Variants in TYW1B observed in about 807,000 individuals in gnomAD.
The protein encoded by TYW1B is tRNA-yW synthesizing protein 1 homolog B, also known as S-adenosyl-L-methionine-dependent tRNA 4-demethylwyosine synthase TYW1B.
TYW1B carries 73 observed loss-of-function variants against 86.9 expected under a neutral mutation model. That is an observed-to-expected ratio of 0.84 (90% CI 0.70 to 1.02). TYW1B has a LOEUF of 1.02. TYW1B is among the 50% of genes least tolerant of loss of function. TYW1B has a pLI of 0.00. For synonymous variants in TYW1B, 248 were observed against 292.8 expected, an observed-to-expected ratio of 0.85 and a Z score of 1.56; for missense variants, 637 against 827.4, an observed-to-expected ratio of 0.77 and a Z score of 2.82.
At chr7:72,602,187 G>T (rs1473447921) in intron 13 of TYW1B, among the ~76,000 whole-genome samples, 1 of 152,158 alleles carries the variant, frequency 6.6e-6, no homozygotes, top group Non-Finnish European at 1.5e-5. Context: ...TTTTGGAAAC[G>T]GGTGGAGTCT....
At chr7:72,601,197 G>A (rs539989227) in intron 13 of TYW1B, among the ~76,000 whole-genome samples, 1 of 151,602 alleles carries the variant, frequency 6.6e-6, no homozygotes, top group South Asian at 2.1e-4. Flanking sequence ...ATGGGCACAA[G>A]ATCTGAGCAG....
intron 9 of TYW1B, among the ~76,000 whole-genome samples, chr7:72,727,404 G>T (rs781885851): frequency 6.6e-6 from 1 of 152,100 alleles, no homozygotes; most frequent in Non-Finnish European, 1.5e-5. Flanking sequence ...GATTCAACAG[G>T]GAACCTAACA....
At chr7:72,609,287 G>A (rs1156832234) in intron 13 of TYW1B, among the ~76,000 whole-genome samples, 12 of 152,100 alleles carry the variant, frequency 7.9e-5, no homozygotes, top group Non-Finnish European at 1.2e-4. Context: ...GGCTGGGCAC[G>A]GTGGCTCATG....
intron 8 of TYW1B, among the ~76,000 whole-genome samples, chr7:72,735,455 C>T (rs1446775778): frequency 3.3e-5 from 5 of 151,860 alleles, no homozygotes; most frequent in African/African-American, 1.2e-4. Context: ...GCCTGTAATC[C>T]CACTTATTCA....
At chr7:72,748,817 G>A (rs1193807849) in intron 7 of TYW1B, among the ~76,000 whole-genome samples, 2 of 151,780 alleles carry the variant, frequency 1.3e-5, no homozygotes, top group Non-Finnish European at 2.9e-5. Flanking sequence ...TTCTATACTT[G>A]GCTGAATTCT....
chr7:72,788,170 G>A (rs1413339862), intron 6 of TYW1B, among the ~76,000 whole-genome samples: 1 of 151,960 alleles, frequency 6.6e-6, no homozygotes. Flanking sequence ...TAGTAGAGAT[G>A]GGGTTTCATT....
intron 13 of TYW1B, among the ~76,000 whole-genome samples, chr7:72,607,676 G>GAAAC (rs1462575137): frequency 6.6e-6 from 1 of 151,434 alleles, no homozygotes; most frequent in Non-Finnish European, 1.5e-5. Flanking sequence ...GACTAAAAGA[G>GAAAC]AAACAAACAA....
chr7:72,602,148 T>C (rs573177790), intron 13 of TYW1B, among the ~76,000 whole-genome samples: 12 of 152,078 alleles, frequency 7.9e-5, no homozygotes, highest in Non-Finnish European at 1.6e-4. Flanking sequence ...CTGAAGGGCA[T>C]AGAGGGGGAA....
chr7:72,806,145 G>A (rs1407369836), intron 5 of TYW1B, among the ~76,000 whole-genome samples: 10 of 152,148 alleles, frequency 6.6e-5, no homozygotes, highest in African/African-American at 1.9e-4. Context: ...CTTCTCTGTG[G>A]CTCCGTTTCG....
At chr7:72,824,777 T>C (rs1440005291) in intron 2 of TYW1B, among the ~76,000 whole-genome samples, 1 of 151,772 alleles carries the variant, frequency 6.6e-6, no homozygotes, top group Non-Finnish European at 1.5e-5. Flanking sequence ...AGCTGTGACC[T>C]TGTAACACAG....
intron 6 of TYW1B, among the ~76,000 whole-genome samples, chr7:72,797,399 G>C (rs1182106108): frequency 6.6e-6 from 1 of 152,126 alleles, no homozygotes. Context: ...TGATGTGCCT[G>C]GATTCCAAGA....
At chr7:72,581,622 C>G (rs1247230103) in intron 13 of TYW1B, among the ~76,000 whole-genome samples, 3 of 151,974 alleles carry the variant, frequency 2.0e-5, no homozygotes, top group African/African-American at 7.3e-5. Context: ...CCATACCCAG[C>G]TAATTTTTGT....
chr7:72,707,782 C>T (rs1814647465), intron 10 of TYW1B, among the ~76,000 whole-genome samples: 1 of 152,282 alleles, frequency 6.6e-6, no homozygotes, highest in South Asian at 2.1e-4. Flanking sequence ...TGGCTCTGTC[C>T]CCACCCAAAT....
intron 7 of TYW1B, among the ~76,000 whole-genome samples, chr7:72,757,856 C>CA (rs1413012307): frequency 2.0e-5 from 3 of 152,228 alleles, no homozygotes; most frequent in Admixed American, 6.5e-5. Flanking sequence ...TCAACAGCAT[C>CA]ACCCTTGTTA....
chr7:72,660,758 G>A (rs1475938807), intron 11 of TYW1B, among the ~76,000 whole-genome samples: 8 of 152,260 alleles, frequency 5.3e-5, no homozygotes, highest in Admixed American at 3.9e-4. Context: ...AAAAGGCAGA[G>A]CAGTAGAAGG....
intron 6 of TYW1B, among the ~76,000 whole-genome samples, chr7:72,794,328 G>A (rs1458111080): frequency 6.6e-6 from 1 of 152,138 alleles, no homozygotes; most frequent in South Asian, 2.1e-4. Context: ...GGCTCAGGCA[G>A]GAGGATCGCC....
intron 11 of TYW1B, among the ~76,000 whole-genome samples, chr7:72,648,150 A>G (rs1458081893): frequency 6.6e-6 from 1 of 152,200 alleles, no homozygotes; most frequent in Non-Finnish European, 1.5e-5. Flanking sequence ...GTATACATAT[A>G]CACTTTTTAA....
intron 6 of TYW1B, 121 bp from the exon 7 acceptor site, chr7:72,777,654 G>T: frequency 1.7e-6 from 2 of 1,171,048 alleles, no homozygotes; most frequent in Non-Finnish European, 2.4e-6. Flanking sequence ...AGTGGCTCAC[G>T]CCTGTAATCC....
chr7:72,690,298 C>CT (rs1186250780), intron 11 of TYW1B, among the ~76,000 whole-genome samples: 170 of 92,538 alleles, frequency 1.8e-3, no homozygotes, highest in Middle Eastern at 0.014. Context: ...ATATATTTCT[C>CT]TTTTTTTAAA....
Sources: gnomAD v4.1 joint callset for allele counts (sites outside exome capture counted in the v4.1 genomes callset) on GRCh38, gnomAD v4.1.1 for gene constraint, MANE v1.5 for transcripts, NCBI Gene and HGNC (gene_info 2026-07-23, HGNC 2026-07-21) for gene names.